RAB9B: variants seen among roughly 807,000 people sequenced by gnomAD.
RAB9B encodes RAB9B, member RAS oncogene family.
In RAB9B, 1 loss-of-function variant was observed where a neutral mutation model predicts 8.9. The ratio of observed to expected loss-of-function variants is 0.11; its 90% CI spans 0.04 to 0.53. RAB9B has a LOEUF of 0.53. RAB9B is among the 20% of genes least tolerant of loss of function. RAB9B has a pLI of 0.93. For missense variants in RAB9B, 82 were observed against 152.9 expected (o/e 0.54, Z 2.45); for synonymous variants, 63 against 57.0 (o/e 1.10, Z -0.47).
the RAB9B span, among the ~76,000 whole-genome samples, chrX:103,813,838 T>G: frequency 4.4e-5 from 3 of 67,495 alleles, no homozygotes; most frequent in African/African-American, 1.2e-4. Flanking sequence ...AAGAGACAAA[T>G]AAGGCCATTA....
the RAB9B span, chrX:103,787,527 A>C: frequency 2.4e-6 from 1 of 416,913 alleles, no homozygotes; most frequent in Non-Finnish European, 4.2e-6. Flanking sequence ...TTATCTGCCC[A>C]AAAACATCCT....
At chrX:103,803,833 C>T in the RAB9B span, among the ~76,000 whole-genome samples, 1 of 112,662 alleles carries the variant, frequency 8.9e-6, no homozygotes, top group South Asian at 3.7e-4. Flanking sequence ...GCCTCAGACT[C>T]CCAAAGTGCT....
At chrX:103,799,188 TTA>T in the RAB9B span, among the ~76,000 whole-genome samples, 10 of 107,592 alleles carry the variant, frequency 9.3e-5, no homozygotes, top group African/African-American at 1.0e-4. Flanking sequence ...CTGCTCAAAT[TTA>T]TATATATATA....
the RAB9B span, among the ~76,000 whole-genome samples, chrX:103,801,425 T>A: frequency 1.0e-5 from 1 of 95,680 alleles, no homozygotes; most frequent in Admixed American, 1.2e-4. Flanking sequence ...GGTTTGTTTG[T>A]CATTGGGCCT....
the RAB9B span, among the ~76,000 whole-genome samples, chrX:103,815,923 A>G: frequency 8.9e-6 from 1 of 111,826 alleles, no homozygotes; most frequent in Non-Finnish European, 1.9e-5. Flanking sequence ...GCTCAAGGAA[A>G]TAAGAGAGGA....
At position 103,825,827 on chromosome X, in the gene RAB9B, C is replaced by A; in HGVS notation, c.-42-1G>T. 1 of 1,118,135 alleles carries A rather than the reference C, an allele frequency of 8.9e-7. No homozygotes were observed. Among genetic ancestry groups the A allele is most frequent in the South Asian group, 2.3e-5 (1 of 44,420 alleles). The allele number at this position is 1,118,135 out of a possible 1,213,427, so 92.1% of individuals were successfully genotyped here. ...GGAAGGAGTTTGTAACCAAGAGAACCTGAAAATAAAAGGAAAAGTAGGAGG... is the reference window on the plus strand; with the variant it reads ...GGAAGGAGTTTGTAACCAAGAGAACATGAAAATAAAAGGAAAAGTAGGAGG... On this transcript the variant is annotated splice_acceptor_variant, in intron 2 of 2. Coordinates refer to ENST00000243298, the MANE Select transcript of RAB9B (RefSeq NM_016370.4). LOFTEE classifies it low-confidence loss of function (5UTR_SPLICE).
At chrX:103,800,893 T>A in the RAB9B span, among the ~76,000 whole-genome samples, 1 of 111,780 alleles carries the variant, frequency 8.9e-6, no homozygotes, top group African/African-American at 3.2e-5. Context: ...CAACTCCAAT[T>A]GTTTCAAAGA....
the RAB9B span, among the ~76,000 whole-genome samples, chrX:103,797,090 T>C: frequency 9.8e-6 from 1 of 101,639 alleles, no homozygotes. Context: ...AAGAGACCTT[T>C]TTTTTTTTTT....
At chrX:103,786,775 T>C in the RAB9B span, 1 of 1,174,975 alleles carries the variant, frequency 8.5e-7, no homozygotes, top group Admixed American at 2.2e-5. Context: ...GGGGGAAAAT[T>C]GGGCGCGAGT....
chrX:103,786,474 C>A, the RAB9B span: 2 of 1,209,113 alleles, frequency 1.7e-6, no homozygotes, highest in Non-Finnish European at 2.2e-6. Flanking sequence ...GGATCCATGC[C>A]TTCCAGTATG....
chrX:103,777,507 A>C, the RAB9B span, among the ~76,000 whole-genome samples: 1 of 112,343 alleles, frequency 8.9e-6, no homozygotes, highest in Non-Finnish European at 1.9e-5. Context: ...GGCCATTCTC[A>C]GGTTCAGGAA....
chrX:103,776,734 G>A, the RAB9B span: 2 of 345,792 alleles, frequency 5.8e-6, no homozygotes, highest in Non-Finnish European at 9.9e-6. Context: ...CCTTAGAGAA[G>A]GGAGTATCCC....
chrX:103,776,846 A>T, the RAB9B span: 12 of 573,064 alleles, frequency 2.1e-5, no homozygotes, highest in African/African-American at 2.3e-5. Flanking sequence ...AGCCCTTTTC[A>T]TTGCAGGAGA....
chrX:103,831,920 G>C (rs1297803599), intron 1 of RAB9B, 140 bp downstream of exon 1: 1 of 111,470 alleles, frequency 9.0e-6, no homozygotes, highest in Non-Finnish European at 1.9e-5. Flanking sequence ...GAGCGGCTCA[G>C]TCCCTTTTCT....
the RAB9B span, among the ~76,000 whole-genome samples, chrX:103,801,190 C>T: frequency 9.0e-6 from 1 of 110,850 alleles, no homozygotes; most frequent in Non-Finnish European, 1.9e-5. Context: ...ATGACCCCTC[C>T]TCCACAGTGT....
the RAB9B span, among the ~76,000 whole-genome samples, chrX:103,800,900 A>T: frequency 1.8e-5 from 2 of 112,026 alleles, no homozygotes; most frequent in African/African-American, 6.5e-5. Flanking sequence ...AATTGTTTCA[A>T]AGAGTATTAG....
the RAB9B span, among the ~76,000 whole-genome samples, chrX:103,777,334 G>A: frequency 7.2e-5 from 8 of 111,239 alleles, no homozygotes; most frequent in East Asian, 1.4e-3. Flanking sequence ...GGCAACGGTT[G>A]GGTCAGCTTG....
chrX:103,805,413 G>T, the RAB9B span, among the ~76,000 whole-genome samples: 2 of 111,544 alleles, frequency 1.8e-5, no homozygotes, highest in South Asian at 7.5e-4. Context: ...GAGGATGTTT[G>T]CATCTATATT....
the RAB9B span, chrX:103,781,049 T>G: frequency 5.1e-6 from 1 of 196,224 alleles, no homozygotes; most frequent in East Asian, 1.2e-4. Flanking sequence ...TATCTCTCCC[T>G]TTGTCAGCTG....
Sources: allele counts gnomAD v4.1 joint callset (sites outside exome capture counted in the v4.1 genomes callset), GRCh38; gene constraint gnomAD v4.1.1; transcripts MANE v1.5; gene names NCBI Gene and HGNC (gene_info 2026-07-23, HGNC 2026-07-21).